The following ALDH4A1 variants were observed in gnomAD, a reference collection of about 807,000 sequenced individuals.
ALDH4A1 encodes the protein aldehyde dehydrogenase 4 family member A1.
In ALDH4A1, 46 loss-of-function variants were observed where a neutral mutation model predicts 70.5. That is an observed-to-expected ratio of 0.65 (90% CI 0.51 to 0.83). ALDH4A1 has a LOEUF of 0.83. Among genes scored for constraint, ALDH4A1 ranks in the 40% least tolerant of loss-of-function variants. ALDH4A1 has a pLI of 0.00. For synonymous variants in ALDH4A1, 323 were observed against 324.3 expected (o/e 1.00, Z 0.04); for missense variants, 749 against 766.5 (o/e 0.98, Z 0.27).
At chr1:18,875,286 C>G (rs754591705) in intron 13 of ALDH4A1, 96 bp downstream of exon 13, 14 of 1,587,774 alleles carry the variant, frequency 8.8e-6, no homozygotes, top group Middle Eastern at 2.1e-4. Context: ...AAGGTAGGGG[C>G]AGCATTATTA....
rs557911088 is a variant in ALDH4A1 at position 18,883,446 on chromosome 1, G to A, written c.454-18C>T. On this transcript the variant is annotated intron_variant, in intron 5 of 14. Transcript: ENST00000375341. ...GTCTTACCCTGCAAGGCAGAGGGCC[G>A]GGGGTCAGGAGCAGCCAACAGCCTC... is the stretch of plus-strand genomic sequence containing the variant. The A allele has an allele frequency of 4.0e-5, 64 of 1,612,758 alleles. No individual in the cohort carries two copies. Among genetic ancestry groups the A allele is most frequent in the Non-Finnish European group, 4.7e-5 (55 of 1,179,962 alleles).
At position 18,880,079 on chromosome 1, in the gene ALDH4A1, C is replaced by T. The variant is rs1934907174; in HGVS notation, c.867-706G>A. Among the ~76,000 whole-genome samples, 1 of 152,200 alleles carries T rather than the reference C, an allele frequency of 6.6e-6. No homozygotes were observed. The highest frequency in any genetic ancestry group is 1.5e-5 in the Non-Finnish European group (1 of 68,020). On this transcript the variant is annotated intron_variant, in intron 8 of 14. Transcript: ENST00000375341. The surrounding 1 kb of genome is among the most constrained non-coding windows in gnomAD (Gnocchi z 5.1). ...CAGGCCCGCTCCGCCCGCTGATAGG[C>T]GGGGAGCCCAGGGGCCCGTGGCTGG...
chr1:18,876,988 G>A (rs936092125), intron 11 of ALDH4A1, among the ~76,000 whole-genome samples: 5 of 152,218 alleles, frequency 3.3e-5, no homozygotes, highest in Non-Finnish European at 5.9e-5. Context: ...GGAGCTCGCT[G>A]AGCCTGGTTC....
In ALDH4A1 at chr1:18,898,432, C is replaced by G. The variant is rs1935694688; in HGVS notation, c.62+4030G>C. Among the ~76,000 whole-genome samples the G allele has an allele frequency of 6.6e-6, 1 of 152,214 alleles. No homozygotes were observed. The highest frequency in any genetic ancestry group is 1.5e-5 in the Non-Finnish European group (1 of 68,036). ...GAGGACATCTGAGTTCCATACCTCC[C>G]CTCCTGCCACCATCCTTCACTGCTG... On this transcript the variant is annotated intron_variant, in intron 1 of 14. Transcript: ENST00000375341. This position sits in a 1 kb window ranked among gnomAD's most constrained non-coding sequence, Gnocchi z 4.3.
In ALDH4A1 at chr1:18,900,259, A is replaced by G. The variant is rs190860726; in HGVS notation, c.62+2203T>C. ...TCTCCTATACCCGTTCCTCAAAAGC[A>G]GCGGTTTTTCTCAGGACTAGAGTTT... On this transcript the variant is annotated intron_variant, in intron 1 of 14. Coordinates refer to ENST00000375341, the MANE Select transcript of ALDH4A1 (RefSeq NM_003748.4). Among the ~76,000 whole-genome samples, 64 of 152,352 alleles carry G rather than the reference A, an allele frequency of 4.2e-4. 1 individual carries two copies. The Middle Eastern group carries it at 0.01, about 24-fold the overall frequency.
Position 18,902,489 on chromosome 1 carries a change from A to G in ALDH4A1, c.35T>C (p.Leu12Pro). 2 of 1,472,180 alleles carry G rather than the reference A, an allele frequency of 1.4e-6. No individual in the cohort carries two copies. Among genetic ancestry groups the G allele is most frequent in the Non-Finnish European group, 1.8e-6 (2 of 1,111,816 alleles). 91.2% of individuals were successfully genotyped at this position (1,472,180 alleles called of 1,614,324 possible). A position where few individuals can be genotyped will look rare whatever the true frequency, so the allele number is the denominator to read the frequency against. The change falls in exon 1 of 15, where the codon CTG becomes CCG. Residue 12 changes from leucine to proline, a missense_variant. Physicochemically the swap from Leu to Pro is moderately conservative, Grantham distance 98. Transcript: ENST00000375341. ...GGCCCCGGTCCAGGGGCGGGACAGC[A>G]GGGCGCGGCGGAGCGCGGGCGCCGG... Reference protein sequence around the residue: ...LLPAPALRRALLSRPWTGAGL... With the variant: ...LLPAPALRRAPLSRPWTGAGL...
At chr1:18,883,072 G>C (rs775105102) in intron 7 of ALDH4A1, 52 bp downstream of exon 7, 150 of 1,610,772 alleles carry the variant, frequency 9.3e-5, no homozygotes, top group Non-Finnish European at 1.2e-4. Flanking sequence ...TCTGTCTGTT[G>C]GGACCAGGAG....
At chr1:18,893,439 T>G (rs11487496) in intron 1 of ALDH4A1, among the ~76,000 whole-genome samples, 47 of 152,302 alleles carry the variant, frequency 3.1e-4, no homozygotes, top group African/African-American at 1.1e-3. Flanking sequence ...ACTAGCTGCC[T>G]CATCCATTAA....
chr1:18,877,512 C>T lies in ALDH4A1; in HGVS notation c.1041G>A (p.Lys347=), dbSNP rs774707581. The T allele has an allele frequency of 2.2e-5, 36 of 1,611,008 alleles. No homozygotes were observed. In the Admixed American group the frequency reaches 5.9e-4, roughly 26 times the overall value. The change falls in exon 10 of 15, where the codon AAG becomes AAA. Residue 347 remains lysine (K), a synonymous_variant. Coordinates refer to ENST00000375341, the MANE Select transcript of ALDH4A1 (RefSeq NM_003748.4). Reference sequence around the variant, plus strand: ...CGTAGAGACGCGAGCACGCGGAACACTTCTGGCCACCGTACTCGAAGGCTG... The same window carrying T: ...CGTAGAGACGCGAGCACGCGGAACATTTCTGGCCACCGTACTCGAAGGCTG... ...LRSAFEYGGQ[K]CSACSRLYVP...
At chr1:18,878,211 G>T (rs565876522) in intron 9 of ALDH4A1, among the ~76,000 whole-genome samples, 1 of 152,200 alleles carries the variant, frequency 6.6e-6, no homozygotes, top group Non-Finnish European at 1.5e-5. Flanking sequence ...TCTGGACGAA[G>T]TACGCTGTGC....
At position 18,883,442 on chromosome 1, in the gene ALDH4A1, G is replaced by A. The variant is rs1557618386; in HGVS notation, c.454-14C>T. 1.2e-6 allele frequency: 2 copies of A among 1,613,050 alleles called. No homozygotes were observed. Among genetic ancestry groups the A allele is most frequent in the Non-Finnish European group, 1.7e-6 (2 of 1,180,010 alleles). ...CACGGTCTTACCCTGCAAGGCAGAG[G>A]GCCGGGGGTCAGGAGCAGCCAACAG... On this transcript the variant is annotated splice_polypyrimidine_tract_variant and intron_variant, in intron 5 of 14. Coordinates refer to ENST00000375341, the MANE Select transcript of ALDH4A1 (RefSeq NM_003748.4).
At chr1:18,888,235 T>C (rs1935296184) in intron 3 of ALDH4A1, among the ~76,000 whole-genome samples, 1 of 152,168 alleles carries the variant, frequency 6.6e-6, no homozygotes, top group Admixed American at 6.5e-5. Flanking sequence ...TTCTCCTTCA[T>C]GTTAAAGCTT....
At chr1:18,875,347 G>GAGCAC in intron 13 of ALDH4A1, 35 bp downstream of exon 13, 3 of 1,613,722 alleles carry the variant, frequency 1.9e-6, no homozygotes, top group Non-Finnish European at 2.5e-6. Context: ...AGGACACCCG[G>GAGCAC]AGCACAGCAC....
Position 18,874,589 on chromosome 1 carries a change from G to C in ALDH4A1, c.1461-8C>G, listed in dbSNP as rs1231072445. On this transcript the variant is annotated splice_polypyrimidine_tract_variant and splice_region_variant and intron_variant, in intron 13 of 14. Coordinates refer to ENST00000375341, the MANE Select transcript of ALDH4A1 (RefSeq NM_003748.4). ...GCCTCCTGCACGACGTCCCTACAAA[G>C]CAGAGCAGTGGTGACAGAGCAACCA... 5 of 1,613,922 alleles carry C rather than the reference G, an allele frequency of 3.1e-6. No homozygotes were observed. The highest frequency in any genetic ancestry group is 3.4e-6 in the Non-Finnish European group (4 of 1,179,914).
In ALDH4A1 at chr1:18,885,621, A is replaced by G; in HGVS notation, c.305T>C (p.Leu102Pro). ...CAGGGCAGCCTCAATGGCTTTGTTG[A>G]GCAGGCTCTAAAGGGAGAGGGAGAG... ...AKFCYADKSL[L>P]NKAIEAALAA... is the part of the protein sequence containing the mutation. The change falls in exon 5 of 15, where the codon CTC becomes CCC. Residue 102 changes from leucine to proline, a missense_variant. Leu to Pro is a moderately conservative substitution (Grantham distance 98). Transcript: ENST00000375341. 1 of 1,613,960 alleles carries G rather than the reference A, an allele frequency of 6.2e-7. No individual in the cohort carries two copies. Among genetic ancestry groups the G allele is most frequent in the South Asian group, 1.1e-5 (1 of 91,062 alleles).
At chr1:18,873,593 A>C (rs1362509011) in intron 14 of ALDH4A1, among the ~76,000 whole-genome samples, 2 of 152,112 alleles carry the variant, frequency 1.3e-5, no homozygotes, top group African/African-American at 2.4e-5. Flanking sequence ...TAAAAACCTA[A>C]AAGGACAGGG....
rs142571888 is a variant in ALDH4A1 at position 18,872,478 on chromosome 1, G to A, written c.*367C>T. On this transcript the variant is annotated 3_prime_UTR_variant, in exon 15 of 15. Transcript: ENST00000375341. ...GGAGCCTCTGTGAGTGGTGAGGTTT[G>A]CCAAGGGGCCCAGAATGGCCTCCTT... 97 of 197,542 alleles carry A rather than the reference G, an allele frequency of 4.9e-4. No individual in the cohort carries two copies. Among genetic ancestry groups the A allele is most frequent in the Middle Eastern group, 2.2e-3 (1 of 464 alleles). 12.2% of individuals were successfully genotyped at this position (197,542 alleles called of 1,614,324 possible).
In ALDH4A1 at chr1:18,898,018, C is replaced by CAA. The variant is rs1375845435; in HGVS notation, c.62+4442_62+4443dup. Among the ~76,000 whole-genome samples the CAA allele has an allele frequency of 3.3e-5, 5 of 151,936 alleles. No homozygotes were observed. Among genetic ancestry groups the CAA allele is most frequent in the Non-Finnish European group, 7.4e-5 (5 of 67,950 alleles). ...TTCCATCCCCTGAGGTGAGCAGGGTCAAAACCCTAACAGAAGGTCGGACGC... is the reference window on the plus strand; with the variant it reads ...TTCCATCCCCTGAGGTGAGCAGGGTCAAAAAACCCTAACAGAAGGTCGGACGC... On this transcript the variant is annotated intron_variant, in intron 1 of 14. Coordinates refer to ENST00000375341, the MANE Select transcript of ALDH4A1 (RefSeq NM_003748.4). This position sits in a 1 kb window ranked among gnomAD's most constrained non-coding sequence, Gnocchi z 4.3.
chr1:18,892,031 GA>G (rs368286664), intron 1 of ALDH4A1, among the ~76,000 whole-genome samples: 3,034 of 143,196 alleles, frequency 0.021, 81 homozygotes, highest in African/African-American at 0.062. Flanking sequence ...CCATCTCAAG[GA>G]AAAAAAAAAA....
Sources: gnomAD v4.1 joint callset for allele counts (sites outside exome capture counted in the v4.1 genomes callset) on GRCh38, gnomAD v4.1.1 for gene constraint, Gnocchi (gnomAD v3.1) non-coding constraint, MANE v1.5 for transcripts, NCBI Gene and HGNC (gene_info 2026-07-23, HGNC 2026-07-21) for gene names.